PMPCA: variants seen among roughly 807,000 people sequenced by gnomAD.
PMPCA encodes the protein mitochondrial-processing peptidase subunit alpha.
PMPCA carries 47 observed loss-of-function variants against 59.3 expected under a neutral mutation model. The observed-to-expected ratio is 0.79, with a 90% CI of 0.63 to 1.01. PMPCA has a LOEUF of 1.01. Among genes scored for constraint, PMPCA ranks in the 50% least tolerant of loss-of-function variants. PMPCA has a pLI of 0.00. For missense variants in PMPCA, 726 were observed against 704.5 expected, an observed-to-expected ratio of 1.03 and a Z score of -0.34; for synonymous variants, 338 against 290.3, an observed-to-expected ratio of 1.16 and a Z score of -1.67.
At chr9:136,414,077 T>C (rs1835206626) in intron 4 of PMPCA, among the ~76,000 whole-genome samples, 1 of 152,246 alleles carries the variant, frequency 6.6e-6, no homozygotes, top group Admixed American at 6.5e-5. Context: ...CAGCCATTGC[T>C]GTCCCCCAAG....
Position 136,423,569 on chromosome 9 carries a change from G to A in PMPCA, c.*305G>A. ...GGCTGTGGGCACATGGGGCCCCGCA[G>A]GTTCCTTGGAGGAGCCCTGAGCTGG... On this transcript the variant is annotated 3_prime_UTR_variant, in exon 13 of 13. Coordinates refer to ENST00000371717, the MANE Select transcript of PMPCA (RefSeq NM_015160.3). 2 of 342,376 alleles carry A rather than the reference G, an allele frequency of 5.8e-6. No homozygotes were observed. Among genetic ancestry groups the A allele is most frequent in the Non-Finnish European group, 1.1e-5 (2 of 181,176 alleles). The allele number at this position is 342,376 out of a possible 1,614,324, so 21.2% of individuals were successfully genotyped here.
chr9:136,412,427 TCTC>T (rs1258694514), intron 2 of PMPCA, 60 bp from the exon 3 acceptor site: 1 of 872,272 alleles, frequency 1.1e-6, no homozygotes, highest in Admixed American at 2.2e-5. Context: ...TTAAAATGTT[TCTC>T]TTGATTAAAT....
At chr9:136,410,819 C>T in intron 1 of PMPCA, 80 bp downstream of exon 1, 1 of 1,191,018 alleles carries the variant, frequency 8.4e-7, no homozygotes, top group Non-Finnish European at 1.1e-6. Flanking sequence ...TCGGTTTCTA[C>T]AGGTGACATG....
rs1453349157 is a variant in PMPCA, at chr9:136,416,083, T to C, written c.533-208T>C. The C allele has an allele frequency of 5.3e-5, 31 of 589,208 alleles. 1 individual carries two copies. 36.5% of individuals were successfully genotyped at this position (589,208 alleles called of 1,614,324 possible). A position where few individuals can be genotyped will look rare whatever the true frequency, so the allele number is the denominator to read the frequency against. ...TGGCTGCTTCATGGCTGAGGCGGGATGTGAGGCCCAGGTCCCCTAGCTCCT... is the reference window on the plus strand; with the variant it reads ...TGGCTGCTTCATGGCTGAGGCGGGACGTGAGGCCCAGGTCCCCTAGCTCCT... On this transcript the variant is annotated intron_variant, in intron 5 of 12. Transcript: ENST00000371717.
At position 136,422,862 on chromosome 9, in the gene PMPCA, C is replaced by G. The variant is rs916799772; in HGVS notation, c.1409-233C>G. On this transcript the variant is annotated intron_variant, in intron 12 of 12. Transcript: ENST00000371717. ...TGTAACTCTTCTTGGGTGGCTTTGT[C>G]CTATATTTTTAAGTCATTGCCATGT... The G allele has an allele frequency of 3.0e-6, 4 of 1,355,070 alleles. No homozygotes were observed. In the African/African-American group the frequency reaches 5.8e-5, roughly 20 times the overall value. 83.9% of individuals were successfully genotyped at this position (1,355,070 alleles called of 1,614,324 possible).
Position 136,417,137 on chromosome 9 carries a change from G to A in PMPCA, c.820G>A (p.Val274Ile), listed in dbSNP as rs1835303393. The change falls in exon 7 of 13, where the codon GTC becomes ATC. Residue 274 changes from valine (V) to isoleucine (I), a missense_variant. By Grantham distance (29) the Val-to-Ile change is conservative. Transcript: ENST00000371717. ...CTGTGCCCGGAAGTACCTCCTGGGG[G>A]TCCAGCCGGCCTGGGGGAGCGCAGA... ...VDCARKYLLG[V>I]QPAWGSAEAV... 1.1e-5 allele frequency: 17 copies of A among 1,613,322 alleles called. 1 individual carries two copies. Among genetic ancestry groups the A allele is most frequent in the Non-Finnish European group, 1.4e-5 (16 of 1,179,662 alleles).
In PMPCA at chr9:136,412,682, T is replaced by TA. The variant is rs1333701542; in HGVS notation, c.354+117dup. The stretch of plus-strand genomic sequence containing the variant: ...TATCAAGTTGCTAAGTTAATGTTAA[T>TA]AAAAGACTTTTAAGTTAAAAGATAA... On this transcript the variant is annotated intron_variant, in intron 3 of 12. Transcript: ENST00000371717. The TA allele has an allele frequency of 1.5e-4, 116 of 792,248 alleles. 4 individuals are homozygous for TA. The South Asian group carries it at 1.6e-3, about 11-fold the overall frequency. The allele number at this position is 792,248 out of a possible 1,614,324, so 49.1% of individuals were successfully genotyped here. A position where few individuals can be genotyped will look rare whatever the true frequency, so the allele number is the denominator to read the frequency against.
rs1193830641 is a variant in PMPCA, at chr9:136,418,094, G to A, written c.975G>A (p.Glu325=). Residue 325 remains glutamate (E), a synonymous_variant, in exon 8 of 13, where the codon GAG becomes GAA. Coordinates refer to ENST00000371717, the MANE Select transcript of PMPCA (RefSeq NM_015160.3). ...TCACGCACATCATGGTTGGACTGGA[G>A]AGCTGCTCCTTCCTGGTGAGTCCTG... ...PELTHIMVGL[E]SCSFLEEDFI... is the part of the protein sequence containing the mutation. The A allele has an allele frequency of 6.8e-6, 11 of 1,612,530 alleles. No homozygotes were observed. The highest frequency in any genetic ancestry group is 9.3e-6 in the Non-Finnish European group (11 of 1,178,612).
chr9:136,413,299 C>T (rs146065765), intron 4 of PMPCA, among the ~76,000 whole-genome samples: 16 of 152,212 alleles, frequency 1.1e-4, no homozygotes, highest in Admixed American at 3.3e-4. Flanking sequence ...GCTAGACACA[C>T]GGGGCACAAG....
chr9:136,418,827 G>A lies in PMPCA; in HGVS notation c.1110-1G>A. 1 of 1,610,528 alleles carries A rather than the reference G, an allele frequency of 6.2e-7. No individual in the cohort carries two copies. The highest frequency in any genetic ancestry group is 8.5e-7 in the Non-Finnish European group (1 of 1,177,830). ...CTCCCATGACTCTCGCTTCCTCCCA[G>A]GCACCACTGGATGTATAACGCGACC... On this transcript the variant is annotated splice_acceptor_variant, in intron 9 of 12. Coordinates refer to ENST00000371717, the MANE Select transcript of PMPCA (RefSeq NM_015160.3). LOFTEE classifies it high-confidence loss of function.
chr9:136,410,676 C>A lies in PMPCA; in HGVS notation c.8C>A (p.Ala3Asp). 1.4e-6 allele frequency: 2 copies of A among 1,413,844 alleles called. No individual in the cohort carries two copies. Among genetic ancestry groups the A allele is most frequent in the Non-Finnish European group, 1.8e-6 (2 of 1,085,714 alleles). The allele number at this position is 1,413,844 out of a possible 1,614,324, so 87.6% of individuals were successfully genotyped here. A position where few individuals can be genotyped will look rare whatever the true frequency, so the allele number is the denominator to read the frequency against. Residue 3 changes from alanine (A) to aspartate (D), a missense_variant, in exon 1 of 13, where the codon GCT becomes GAT. Ala to Asp is a moderately radical substitution (Grantham distance 126). Transcript: ENST00000371717. MA[A>D]VVLAATRLLR... is the part of the protein sequence containing the mutation. ...GCGGGGCGGAGACGCAAGATGGCGG[C>A]TGTGGTGCTGGCGGCGACGCGGTTG...
intron 7 of PMPCA, 112 bp downstream of exon 7, chr9:136,417,326 A>G (rs1305234505): frequency 2.3e-6 from 2 of 862,452 alleles, no homozygotes; most frequent in Non-Finnish European, 3.5e-6. Flanking sequence ...CTGCATGTGT[A>G]GCTTTGCCTT....
Position 136,417,214 on chromosome 9 carries a change from G to A in PMPCA, c.897G>A (p.Lys299=). The change falls in exon 7 of 13, where the codon AAG becomes AAA. Residue 299 remains lysine, a splice_region_variant and synonymous_variant. Transcript: ENST00000371717. ...CCCAGTACACTGGGGGGATTGCCAA[G>A]GTGAAGTAGCGGGAACGTCTCATGG... is the stretch of plus-strand genomic sequence containing the variant. The part of the protein sequence containing the change: ...SVAQYTGGIA[K]LERDMSNVSL... 6.4e-7 allele frequency: 1 copy of A among 1,568,212 alleles called. No homozygotes were observed. The highest frequency in any genetic ancestry group is 8.7e-7 in the Non-Finnish European group (1 of 1,151,502).
Position 136,411,980 on chromosome 9 carries a change from C to T in PMPCA, c.72-17C>T, listed in dbSNP as rs376933278. 21 of 1,541,964 alleles carry T rather than the reference C, an allele frequency of 1.4e-5. No individual in the cohort carries two copies. Among genetic ancestry groups the T allele is most frequent in the East Asian group, 2.3e-5 (1 of 43,812 alleles). On this transcript the variant is annotated splice_polypyrimidine_tract_variant and intron_variant, in intron 1 of 12. Coordinates refer to ENST00000371717, the MANE Select transcript of PMPCA (RefSeq NM_015160.3). ...TGTCTCAAGCCTGTTGTAACTGGGC[C>T]GCTTTCTCTGTTTTAGGTTTGGACC... is the stretch of plus-strand genomic sequence containing the variant.
intron 11 of PMPCA, chr9:136,419,396 G>A (rs112095763): frequency 3.0e-5 from 16 of 532,958 alleles, no homozygotes; most frequent in African/African-American, 2.8e-4. Flanking sequence ...CACTGGGTGA[G>A]TCGTGGGACT....
chr9:136,421,844 C>T lies in PMPCA; in HGVS notation c.1276C>T (p.Arg426Ter), dbSNP rs1402094001. 1.4e-5 allele frequency: 22 copies of T among 1,589,842 alleles called. No homozygotes were observed. Among genetic ancestry groups the T allele is most frequent in the Admixed American group, 3.4e-5 (2 of 59,322 alleles). The stretch of plus-strand genomic sequence containing the variant: ...ACCCTGGCCCCAGGTGGAGCTGGAA[C>T]GAGCCAAGACGCAGCTGACATCAAT... The part of the protein sequence containing the change: ...GGTVDTVELE[R>*]AKTQLTSMLM... The change falls in exon 12 of 13, where the codon CGA (arginine) becomes TGA (stop). Residue 426 changes from arginine to a stop codon, truncating the protein, a stop_gained. Transcript: ENST00000371717. LOFTEE classifies it high-confidence loss of function.
rs770263035 is a variant in PMPCA at position 136,410,696 on chromosome 9, C to A, written c.28C>A (p.Arg10=). ...GGCGGCTGTGGTGCTGGCGGCGACG[C>A]GGTTGCTGCGGGGCTCGGGTTCTTG... MAAVVLAAT[R]LLRGSGSWGC... Residue 10 remains arginine, a synonymous_variant, in exon 1 of 13, where the codon CGG becomes AGG. Transcript: ENST00000371717. 1 of 1,415,544 alleles carries A rather than the reference C, an allele frequency of 7.1e-7. No individual in the cohort carries two copies. The highest frequency in any genetic ancestry group is 9.2e-7 in the Non-Finnish European group (1 of 1,086,348). The allele number at this position is 1,415,544 out of a possible 1,614,324, so 87.7% of individuals were successfully genotyped here. A position where few individuals can be genotyped will look rare whatever the true frequency, so the allele number is the denominator to read the frequency against.
At chr9:136,416,043 C>T (rs902094044) in intron 5 of PMPCA, 2 of 576,032 alleles carry the variant, frequency 3.5e-6, no homozygotes, top group Non-Finnish European at 6.2e-6. Context: ...GAAGCCAGGG[C>T]TTAGCAGGCT....
chr9:136,423,105 GC>G lies in PMPCA; in HGVS notation c.1421del (p.Pro474ArgfsTer4). 1.2e-6 allele frequency: 2 copies of G among 1,612,596 alleles called. No homozygotes were observed. Among genetic ancestry groups the G allele is most frequent in the Non-Finnish European group, 1.7e-6 (2 of 1,179,618 alleles). Reference protein sequence around the residue: ...ELCTLIRNVKPEDVKRVASKM... With the variant: ...ELCTLIRNVKXEDVKRVASKM... ...TGCCCTCTGCACTAGGCAACGTGAA[GC>G]CGGAAGATGTGAAGAGAGTCGCTTC... On this transcript the variant is annotated frameshift_variant, in exon 13 of 13. Transcript: ENST00000371717. LOFTEE classifies it high-confidence loss of function.
Sources: allele counts gnomAD v4.1 joint callset (sites outside exome capture counted in the v4.1 genomes callset), GRCh38; gene constraint gnomAD v4.1.1; transcripts MANE v1.5; gene names NCBI Gene and HGNC (gene_info 2026-07-23, HGNC 2026-07-21).